The following TDRD10 variants were observed in gnomAD, a reference collection of about 807,000 sequenced individuals.
TDRD10 encodes tudor domain-containing protein 10.
A neutral mutation model predicts 48.0 loss-of-function variants in TDRD10; 40 were observed. The ratio of observed to expected loss-of-function variants is 0.83; its 90% CI spans 0.65 to 1.09. TDRD10 has a LOEUF of 1.09. Among genes scored for constraint, TDRD10 ranks in the 50% least tolerant of loss-of-function variants. The pLI is 0.00. For missense variants in TDRD10, 378 were observed against 434.7 expected, an observed-to-expected ratio of 0.87 and a Z score of 1.16; for synonymous variants, 162 against 170.4, an observed-to-expected ratio of 0.95 and a Z score of 0.38.
intron 4 of TDRD10, among the ~76,000 whole-genome samples, chr1:154,514,800 A>G (rs1193582488): frequency 1.3e-5 from 2 of 151,892 alleles, no homozygotes; most frequent in African/African-American, 4.8e-5. Flanking sequence ...CAAGCCCCCT[A>G]TCTCGGCTTC....
At chr1:154,527,067 C>T (rs1228731302) in intron 6 of TDRD10, among the ~76,000 whole-genome samples, 5 of 152,086 alleles carry the variant, frequency 3.3e-5, no homozygotes, top group Non-Finnish European at 7.4e-5. Context: ...CCTGCCACCA[C>T]GCCCGCCTAG....
In TDRD10 at chr1:154,547,671, C is replaced by T; in HGVS notation, c.1024-7C>T. The T allele has an allele frequency of 1.9e-6, 3 of 1,614,144 alleles. No homozygotes were observed. The highest frequency in any genetic ancestry group is 2.5e-6 in the Non-Finnish European group (3 of 1,180,012). On this transcript the variant is annotated splice_region_variant and splice_polypyrimidine_tract_variant and intron_variant, in intron 12 of 12. Coordinates refer to ENST00000368482, the MANE Select transcript of TDRD10 (RefSeq NM_182499.4). The stretch of plus-strand genomic sequence containing the variant: ...CTTCCCACCAAGGCTTTGTCTTTCT[C>T]TTCCAGTTGCACATCCTAAAGTTTG...
At chr1:154,543,755 A>G (rs1180685056) in intron 8 of TDRD10, among the ~76,000 whole-genome samples, 2 of 152,082 alleles carry the variant, frequency 1.3e-5, no homozygotes, top group African/African-American at 4.8e-5. Flanking sequence ...CGCCCCCAGA[A>G]TGGCCCTTCC....
At position 154,548,046 on chromosome 1, in the gene TDRD10, C is replaced by G. The variant is rs897650508; in HGVS notation, c.*336C>G. 1 of 367,084 alleles carries G rather than the reference C, an allele frequency of 2.7e-6. No individual in the cohort carries two copies. The highest frequency in any genetic ancestry group is 2.1e-5 in the African/African-American group (1 of 48,202). 22.7% of individuals were successfully genotyped at this position (367,084 alleles called of 1,614,324 possible). A position where few individuals can be genotyped will look rare whatever the true frequency, so the allele number is the denominator to read the frequency against. ...ATGATATAAGTGGTCCTAACAGATT[C>G]TGGATAATGGAGAAGCCCTCTGCTG... On this transcript the variant is annotated 3_prime_UTR_variant, in exon 13 of 13. Coordinates refer to ENST00000368482, the MANE Select transcript of TDRD10 (RefSeq NM_182499.4).
chr1:154,521,184 C>A, intron 5 of TDRD10, 139 bp from the exon 6 acceptor site: 1 of 818,928 alleles, frequency 1.2e-6, no homozygotes, highest in Non-Finnish European at 2.0e-6. Flanking sequence ...ATACTTGTAG[C>A]TTGCTTGTGA....
chr1:154,518,521 G>A (rs868379138), intron 4 of TDRD10, among the ~76,000 whole-genome samples: 1 of 151,990 alleles, frequency 6.6e-6, no homozygotes. Flanking sequence ...TCCACCTCCC[G>A]GGTTCACGCC....
At chr1:154,513,064 G>A (rs1693569131) in intron 4 of TDRD10, among the ~76,000 whole-genome samples, 3 of 152,154 alleles carry the variant, frequency 2.0e-5, no homozygotes, top group Admixed American at 2.0e-4. Flanking sequence ...ATAGGGATTT[G>A]TAATACTATT....
At chr1:154,535,955 A>G (rs965939774) in intron 6 of TDRD10, among the ~76,000 whole-genome samples, 2 of 152,214 alleles carry the variant, frequency 1.3e-5, no homozygotes, top group Non-Finnish European at 2.9e-5. Context: ...TGACGTTGGC[A>G]GGAAGAAAAA....
intron 6 of TDRD10, among the ~76,000 whole-genome samples, chr1:154,529,511 C>T (rs1007928603): frequency 5.9e-5 from 9 of 151,498 alleles, no homozygotes; most frequent in African/African-American, 2.2e-4. Flanking sequence ...AATTTTTGCA[C>T]CAACCTAATA....
At chr1:154,535,864 G>T (rs566255755) in intron 6 of TDRD10, among the ~76,000 whole-genome samples, 1 of 152,324 alleles carries the variant, frequency 6.6e-6, no homozygotes, top group Non-Finnish European at 1.5e-5. Flanking sequence ...AGGCTTCCCA[G>T]ATTGGCCAAA....
At chr1:154,517,952 G>A (rs986114452) in intron 4 of TDRD10, among the ~76,000 whole-genome samples, 1 of 152,154 alleles carries the variant, frequency 6.6e-6, no homozygotes, top group African/African-American at 2.4e-5. Flanking sequence ...GCAGCACAGG[G>A]TTCCTCTATC....
intron 11 of TDRD10, among the ~76,000 whole-genome samples, chr1:154,546,337 G>A (rs1695566566): frequency 1.3e-5 from 2 of 149,586 alleles, no homozygotes; most frequent in Admixed American, 6.7e-5. Flanking sequence ...CTCCCAAAGT[G>A]TTGGGATTAC....
chr1:154,524,957 T>C (rs1694236841), intron 6 of TDRD10, among the ~76,000 whole-genome samples: 1 of 152,222 alleles, frequency 6.6e-6, no homozygotes, highest in Non-Finnish European at 1.5e-5. Context: ...TCTGGTCCTC[T>C]GTCCCCAAAT....
chr1:154,524,432 G>C (rs1231309515), intron 6 of TDRD10, among the ~76,000 whole-genome samples: 1 of 152,144 alleles, frequency 6.6e-6, no homozygotes, highest in Non-Finnish European at 1.5e-5. Flanking sequence ...CTCTCAAAGT[G>C]CTGGGATTAT....
At chr1:154,524,447 A>G (rs541451096) in intron 6 of TDRD10, among the ~76,000 whole-genome samples, 1 of 152,262 alleles carries the variant, frequency 6.6e-6, no homozygotes, top group Admixed American at 6.5e-5. Context: ...GATTATAGCC[A>G]TGAGCTGAGC....
At chr1:154,534,467 G>A (rs887193348) in intron 6 of TDRD10, 5 of 152,354 alleles carry the variant, frequency 3.3e-5, no homozygotes, top group African/African-American at 1.2e-4. Flanking sequence ...ACACCTGGTG[G>A]TTTTCCATAG....
chr1:154,521,177 C>T (rs1694032804), intron 5 of TDRD10, 146 bp from the exon 6 acceptor site: 2 of 781,410 alleles, frequency 2.6e-6, no homozygotes, highest in Non-Finnish European at 2.1e-6. Context: ...TCTGGACATA[C>T]TTGTAGCTTG....
intron 4 of TDRD10, among the ~76,000 whole-genome samples, chr1:154,519,800 G>A (rs1252332950): frequency 6.6e-6 from 1 of 152,210 alleles, no homozygotes; most frequent in Admixed American, 6.5e-5. Flanking sequence ...GGAGCAGGAT[G>A]GGGAGGAGGG....
intron 6 of TDRD10, among the ~76,000 whole-genome samples, chr1:154,530,642 G>GT (rs1231325019): frequency 2.0e-5 from 3 of 151,936 alleles, no homozygotes; most frequent in Non-Finnish European, 4.4e-5. Flanking sequence ...AGTTTTCAGA[G>GT]TTTAATTGTG....
Sources: allele counts gnomAD v4.1 joint callset (sites outside exome capture counted in the v4.1 genomes callset), GRCh38; gene constraint gnomAD v4.1.1; transcripts MANE v1.5; gene names NCBI Gene and HGNC (gene_info 2026-07-23, HGNC 2026-07-21).